COL5A2: variants seen among roughly 807,000 people sequenced by gnomAD.
COL5A2 encodes collagen alpha-2(V) chain.
Under a neutral mutation model 208.2 loss-of-function variants are expected in COL5A2, and 23 were observed. That is an observed-to-expected ratio of 0.11 (90% CI 0.08 to 0.16). The LOEUF (loss-of-function observed/expected upper bound fraction) is 0.16, where lower values mean the gene tolerates loss of function less well. Ranked by LOEUF, COL5A2 falls within the 10% of genes least tolerant of loss-of-function variation. The pLI, the probability that COL5A2 is intolerant of heterozygous loss-of-function variation, is 1.00. For missense variants in COL5A2, 1,590 were observed against 1,956.4 expected (o/e 0.81, Z 3.53); for synonymous variants, 625 against 628.5 (o/e 0.99, Z 0.08).
chr2:189,313,434 T>C, the COL5A2 span, among the ~76,000 whole-genome samples: 4 of 152,126 alleles, frequency 2.6e-5, no homozygotes, highest in Non-Finnish European at 5.9e-5. Flanking sequence ...CAAGAGATCC[T>C]GAAGGAAGCA....
chr2:189,039,217 A>C, intron 51 of COL5A2, 55 bp downstream of exon 51: 1 of 1,600,892 alleles, frequency 6.2e-7, no homozygotes. Flanking sequence ...AATGCAGTTG[A>C]GAATAAACAA....
the COL5A2 span, among the ~76,000 whole-genome samples, chr2:189,267,750 AT>A: frequency 6.6e-6 from 1 of 152,138 alleles, no homozygotes; most frequent in Admixed American, 6.6e-5. Flanking sequence ...CTCACATTAT[AT>A]TTATATTTAC....
the COL5A2 span, among the ~76,000 whole-genome samples, chr2:189,284,462 G>C: frequency 2.0e-5 from 3 of 152,008 alleles, no homozygotes; most frequent in African/African-American, 7.2e-5. Context: ...ATCTTACTAC[G>C]GCAGAGCAAG....
chr2:189,166,863 A>G (rs1429967977), intron 1 of COL5A2, among the ~76,000 whole-genome samples: 1 of 152,224 alleles, frequency 6.6e-6, no homozygotes, highest in Admixed American at 6.5e-5. Flanking sequence ...GACGCTAACT[A>G]TAGGGCATCT....
chr2:189,212,999 C>T (rs1689235453), intron 1 of COL5A2, among the ~76,000 whole-genome samples: 1 of 151,928 alleles, frequency 6.6e-6, no homozygotes, highest in Non-Finnish European at 1.5e-5. Flanking sequence ...AGCAATTCTC[C>T]TGCCTCAGTC....
At chr2:189,311,560 G>C in the COL5A2 span, 3 of 1,260,690 alleles carry the variant, frequency 2.4e-6, no homozygotes, top group South Asian at 2.5e-5. Context: ...TCTGCTGGGC[G>C]TAGTGGGCCT....
the COL5A2 span, among the ~76,000 whole-genome samples, chr2:189,423,831 T>C: frequency 6.3e-3 from 963 of 151,760 alleles, 11 homozygotes; most frequent in African/African-American, 0.022. Flanking sequence ...TTCCAAAAAA[T>C]TGGAGAGGAG....
In COL5A2 at chr2:189,038,198, T is replaced by A. The variant is rs2153506330; in HGVS notation, c.3925+1074A>T. 3.9e-5 allele frequency among the ~76,000 whole-genome samples: 6 copies of A among 152,270 alleles called. No individual in the cohort carries two copies. The South Asian group carries it at 1.2e-3, about 32-fold the overall frequency. On this transcript the variant is annotated intron_variant, in intron 51 of 53. Coordinates refer to ENST00000374866, the MANE Select transcript of COL5A2 (RefSeq NM_000393.5). ...TTGCTCCCATCCACACCCTCCCCCCTGTAGTAGCCTGCAGTGTTTATGGTT... is the reference window on the plus strand; with the variant it reads ...TTGCTCCCATCCACACCCTCCCCCCAGTAGTAGCCTGCAGTGTTTATGGTT...
chr2:189,287,875 C>A, the COL5A2 span, among the ~76,000 whole-genome samples: 1 of 152,112 alleles, frequency 6.6e-6, no homozygotes, highest in Non-Finnish European at 1.5e-5. Context: ...TTTTATCTAT[C>A]TGAATGTTAA....
the COL5A2 span, among the ~76,000 whole-genome samples, chr2:189,330,414 A>G: frequency 2.6e-5 from 4 of 152,204 alleles, no homozygotes; most frequent in African/African-American, 9.6e-5. Flanking sequence ...AGGGCAGGAT[A>G]ACTGAAAGCC....
the COL5A2 span, among the ~76,000 whole-genome samples, chr2:189,328,919 T>C: frequency 6.6e-6 from 1 of 152,236 alleles, no homozygotes; most frequent in Non-Finnish European, 1.5e-5. Context: ...TTGAATCTCA[T>C]TAATTAATGT....
the COL5A2 span, among the ~76,000 whole-genome samples, chr2:189,255,287 C>A: frequency 6.6e-6 from 1 of 152,262 alleles, no homozygotes; most frequent in African/African-American, 2.4e-5. Context: ...CAAAAATTTG[C>A]ACTCTCTAAT....
intron 37 of COL5A2, 47 bp from the exon 38 acceptor site, chr2:189,053,524 C>T: frequency 6.8e-7 from 1 of 1,461,810 alleles, no homozygotes; most frequent in Non-Finnish European, 9.6e-7. Flanking sequence ...TTATCCTAAA[C>T]AGGAACAGTA....
chr2:189,279,306 T>TA, the COL5A2 span, among the ~76,000 whole-genome samples: 4 of 149,956 alleles, frequency 2.7e-5, no homozygotes, highest in South Asian at 2.1e-4. Context: ...AAAGTGAGAG[T>TA]AAAAAAAAGA....
At chr2:189,060,083 T>A (rs1001831041) in intron 31 of COL5A2, among the ~76,000 whole-genome samples, 11 of 152,166 alleles carry the variant, frequency 7.2e-5, no homozygotes, top group Non-Finnish European at 1.6e-4. Context: ...ATCATTATCA[T>A]CATTCATCTC....
the COL5A2 span, among the ~76,000 whole-genome samples, chr2:189,257,841 G>A: frequency 4.6e-5 from 7 of 152,248 alleles, no homozygotes; most frequent in East Asian, 3.9e-4. Context: ...TAGGCCAGGC[G>A]CGGTGGTTCA....
At chr2:189,379,354 T>C in the COL5A2 span, among the ~76,000 whole-genome samples, 1 of 152,222 alleles carries the variant, frequency 6.6e-6, no homozygotes, top group African/African-American at 2.4e-5. Flanking sequence ...AAAATTCCTT[T>C]TCTCATGCTA....
chr2:189,070,722 C>T (rs537651417), intron 18 of COL5A2, among the ~76,000 whole-genome samples: 20 of 152,136 alleles, frequency 1.3e-4, no homozygotes, highest in South Asian at 4.1e-4. Context: ...AATTTGGGGA[C>T]GGAGGGTCTC....
chr2:189,194,901 T>C lies in COL5A2; in HGVS notation c.-42+30247A>G, dbSNP rs999886879. ...TTCTGTTTACATGATGGATTACCTTTACTGATTTGTGTATGTTGAACAAGC... is the reference window on the plus strand; with the variant it reads ...TTCTGTTTACATGATGGATTACCTTCACTGATTTGTGTATGTTGAACAAGC... On this transcript the variant is annotated intron_variant, in intron 1 of 10. Transcript: ENST00000649966. Among the ~76,000 whole-genome samples the C allele has an allele frequency of 3.9e-5, 6 of 152,278 alleles. No individual in the cohort carries two copies. In the South Asian group the frequency reaches 1.2e-3, roughly 32 times the overall value.
Sources: allele counts gnomAD v4.1 joint callset (sites outside exome capture counted in the v4.1 genomes callset), GRCh38; gene constraint gnomAD v4.1.1; transcripts MANE v1.5; gene names NCBI Gene and HGNC (gene_info 2026-07-23, HGNC 2026-07-21).